Variants in SCEL observed in about 807,000 individuals in gnomAD.
SCEL encodes sciellin.
In SCEL, 113 loss-of-function variants were observed where a neutral mutation model predicts 117.6. That is an observed-to-expected ratio of 0.96 (90% CI 0.83 to 1.12). SCEL has a LOEUF of 1.12. SCEL is among the 50% of genes most tolerant of loss of function. The pLI is 0.00. For synonymous variants in SCEL, 270 were observed against 256.2 expected (o/e 1.05, Z -0.51); for missense variants, 785 against 810.8 (o/e 0.97, Z 0.39).
intron 22 of SCEL, 121 bp downstream of exon 22, chr13:77,610,227 A>C (rs2088547280): frequency 3.8e-6 from 2 of 532,486 alleles, no homozygotes; most frequent in African/African-American, 2.0e-5. Flanking sequence ...CCGAGGCGGG[A>C]GGATCACAAG....
chr13:77,553,605 ACAGC>A (rs1236378006), intron 1 of SCEL, among the ~76,000 whole-genome samples: 1 of 152,048 alleles, frequency 6.6e-6, no homozygotes, highest in Admixed American at 6.5e-5. Context: ...GCCTCCAAAC[ACAGC>A]CAGCCAGGGG....
At chr13:77,572,801 T>A (rs746313315) in intron 9 of SCEL, among the ~76,000 whole-genome samples, 8 of 152,316 alleles carry the variant, frequency 5.3e-5, no homozygotes, top group South Asian at 2.1e-4. Context: ...ATGACCCTAT[T>A]TCTAAGCAAG....
At chr13:77,581,018 G>T (rs1044318512) in intron 9 of SCEL, among the ~76,000 whole-genome samples, 5 of 152,098 alleles carry the variant, frequency 3.3e-5, no homozygotes, top group Non-Finnish European at 5.9e-5. Flanking sequence ...ATGGTAAAAT[G>T]TAACCTTTCT....
In SCEL at chr13:77,644,350, A is replaced by G; in HGVS notation, c.*76A>G. The G allele has an allele frequency of 1.4e-6, 2 of 1,431,738 alleles. No homozygotes were observed. The highest frequency in any genetic ancestry group is 2.3e-5 in the East Asian group (1 of 43,606). The allele number at this position is 1,431,738 out of a possible 1,614,324, so 88.7% of individuals were successfully genotyped here. On this transcript the variant is annotated 3_prime_UTR_variant, in exon 33 of 33. Transcript: ENST00000349847. ...TACAAGTTTTATCTTAATAATATGTAATCTAGAAAAGCTTTCACATTGAAG... is the reference window on the plus strand; with the variant it reads ...TACAAGTTTTATCTTAATAATATGTGATCTAGAAAAGCTTTCACATTGAAG...
intron 27 of SCEL, among the ~76,000 whole-genome samples, chr13:77,621,157 G>A (rs963545442): frequency 6.6e-6 from 1 of 151,886 alleles, no homozygotes. Context: ...CAATCCATTC[G>A]CCACCCTGTA....
At chr13:77,576,542 A>G (rs1373668150) in intron 9 of SCEL, among the ~76,000 whole-genome samples, 1 of 152,132 alleles carries the variant, frequency 6.6e-6, no homozygotes, top group African/African-American at 2.4e-5. Flanking sequence ...CTTCATTTAT[A>G]TCCACTCCAG....
At chr13:77,543,074 T>A (rs544057485) in intron 1 of SCEL, among the ~76,000 whole-genome samples, 1 of 150,096 alleles carries the variant, frequency 6.7e-6, no homozygotes. Flanking sequence ...TTATTTATTC[T>A]ACTTTAGCTT....
intron 1 of SCEL, among the ~76,000 whole-genome samples, chr13:77,546,927 T>C (rs769287041): frequency 4.6e-5 from 7 of 152,140 alleles, no homozygotes; most frequent in Non-Finnish European, 8.8e-5. Context: ...CACCTTAGTT[T>C]CAGAAAAGAG....
At chr13:77,547,610 C>A (rs193246608) in intron 1 of SCEL, among the ~76,000 whole-genome samples, 15 of 152,238 alleles carry the variant, frequency 9.9e-5, no homozygotes, top group Non-Finnish European at 2.2e-4. Context: ...AGGTCTTGAT[C>A]AACTCTCAGA....
intron 19 of SCEL, 130 bp from the exon 20 acceptor site, chr13:77,607,926 A>G: frequency 1.7e-6 from 1 of 601,144 alleles, no homozygotes; most frequent in Non-Finnish European, 2.8e-6. Flanking sequence ...TTCAGTCTTC[A>G]ACTCCTTGGC....
chr13:77,559,198 T>C (rs552618657), intron 3 of SCEL, among the ~76,000 whole-genome samples: 1 of 152,220 alleles, frequency 6.6e-6, no homozygotes, highest in Non-Finnish European at 1.5e-5. Flanking sequence ...ATCTGTGAAC[T>C]GGATATGACA....
At chr13:77,569,984 A>G (rs780120763) in intron 8 of SCEL, among the ~76,000 whole-genome samples, 27 of 152,182 alleles carry the variant, frequency 1.8e-4, no homozygotes, top group Non-Finnish European at 3.8e-4. Context: ...GAGTAGTTGG[A>G]CCAATGGTGA....
At chr13:77,578,398 GTC>G in intron 9 of SCEL, among the ~76,000 whole-genome samples, 1 of 152,164 alleles carries the variant, frequency 6.6e-6, no homozygotes, top group Admixed American at 6.5e-5. Flanking sequence ...TCTAGTTGGT[GTC>G]ACTCAGCATC....
intron 28 of SCEL, 88 bp downstream of exon 28, chr13:77,628,097 A>AATATAATATTATATATTATGTAAT (rs1296281163): frequency 7.7e-6 from 2 of 258,346 alleles, no homozygotes; most frequent in African/African-American, 2.3e-5. Flanking sequence ...ATATATATAA[A>AATATAATATTATATATTATGTAAT]ATATAATATT....
At chr13:77,592,831 C>T (rs2086956463) in intron 11 of SCEL, among the ~76,000 whole-genome samples, 1 of 152,018 alleles carries the variant, frequency 6.6e-6, no homozygotes, top group Non-Finnish European at 1.5e-5. Context: ...TCCCAAAGTT[C>T]TGGGATTACA....
chr13:77,562,510 A>G (rs1437970161), intron 4 of SCEL, among the ~76,000 whole-genome samples: 2 of 152,128 alleles, frequency 1.3e-5, no homozygotes, highest in African/African-American at 4.8e-5. Flanking sequence ...CCCAGCTCAA[A>G]CTGCACTTCA....
At chr13:77,588,372 C>T (rs557234070) in intron 9 of SCEL, among the ~76,000 whole-genome samples, 1 of 152,224 alleles carries the variant, frequency 6.6e-6, no homozygotes, top group South Asian at 2.1e-4. Context: ...GCTACAGAAG[C>T]CAGAAGGGTA....
chr13:77,578,396 GT>G (rs2154398487), intron 9 of SCEL, among the ~76,000 whole-genome samples: 1 of 152,126 alleles, frequency 6.6e-6, no homozygotes, highest in Admixed American at 6.5e-5. Context: ...TGTCTAGTTG[GT>G]GTCACTCAGC....
At chr13:77,544,498 C>G (rs1336225709) in intron 1 of SCEL, among the ~76,000 whole-genome samples, 1 of 152,136 alleles carries the variant, frequency 6.6e-6, no homozygotes, top group Admixed American at 6.6e-5. Flanking sequence ...GAGCTGGGAA[C>G]TGGCCCAGGA....
Sources: gnomAD v4.1 joint callset for allele counts (sites outside exome capture counted in the v4.1 genomes callset) on GRCh38, gnomAD v4.1.1 for gene constraint, MANE v1.5 for transcripts, NCBI Gene and HGNC (gene_info 2026-07-23, HGNC 2026-07-21) for gene names.